Variants in TENT2 observed in about 807,000 individuals in gnomAD.
TENT2 encodes the protein terminal nucleotidyltransferase 2, also known as poly(A) RNA polymerase GLD2.
A neutral mutation model predicts 72.2 loss-of-function variants in TENT2; 44 were observed. The ratio of observed to expected loss-of-function variants is 0.61; its 90% CI spans 0.48 to 0.78. The LOEUF (loss-of-function observed/expected upper bound fraction) is 0.78. TENT2 is among the 30% of genes least tolerant of loss of function. The pLI, the probability that TENT2 is intolerant of heterozygous loss-of-function variation, is 0.00. For synonymous variants in TENT2, 212 were observed against 192.5 expected (o/e 1.10, Z -0.84); for missense variants, 541 against 569.6 (o/e 0.95, Z 0.51).
At chr5:79,618,930 A>T (rs1762593695) in intron 1 of TENT2, among the ~76,000 whole-genome samples, 1 of 152,014 alleles carries the variant, frequency 6.6e-6, no homozygotes, top group Non-Finnish European at 1.5e-5. Context: ...TTCTTTGTAG[A>T]CTTTACCTGA....
At chr5:79,667,528 T>C (rs533653631) in intron 11 of TENT2, among the ~76,000 whole-genome samples, 1 of 152,290 alleles carries the variant, frequency 6.6e-6, no homozygotes, top group East Asian at 1.9e-4. Context: ...TTAAAATTTC[T>C]ACTTGAATCT....
At chr5:79,674,559 A>G (rs1205560796) in intron 12 of TENT2, among the ~76,000 whole-genome samples, 3 of 152,214 alleles carry the variant, frequency 2.0e-5, no homozygotes, top group Non-Finnish European at 4.4e-5. Flanking sequence ...TGTTGGTGTT[A>G]TAAAGGAGAA....
At chr5:79,677,562 T>G (rs2150868236) in intron 12 of TENT2, among the ~76,000 whole-genome samples, 1 of 152,342 alleles carries the variant, frequency 6.6e-6, no homozygotes, top group Non-Finnish European at 1.5e-5. Flanking sequence ...AAAATAATGT[T>G]TACAGTTTTA....
chr5:79,655,853 A>G lies in TENT2; in HGVS notation c.1028-1105A>G, dbSNP rs551079997. On this transcript the variant is annotated intron_variant, in intron 10 of 14. Transcript: ENST00000453514. ...TCAACATGGGGATGAAATGTGATAC[A>G]TAAAGGAAATTTAAATAAAGCATCC... Among the ~76,000 whole-genome samples, 265 of 151,990 alleles carry G rather than the reference A, an allele frequency of 1.7e-3. 1 individual carries two copies. The highest frequency in any genetic ancestry group is 6.8e-3 in the Middle Eastern group (2 of 294).
chr5:79,626,029 A>G (rs1400901242), intron 4 of TENT2, among the ~76,000 whole-genome samples: 1 of 151,496 alleles, frequency 6.6e-6, no homozygotes, highest in African/African-American at 2.4e-5. Context: ...GGGTTTCACC[A>G]TGTTGGTCAG....
chr5:79,623,054 A>AT (rs58029058), intron 3 of TENT2, among the ~76,000 whole-genome samples, 198 bp from the exon 4 acceptor site: 30,760 of 151,694 alleles, frequency 0.2, 4,599 homozygotes, highest in African/African-American at 0.42. Flanking sequence ...CATTATTACT[A>AT]TTTTTTTTAA....
At chr5:79,629,575 C>T (rs1340039077) in intron 4 of TENT2, among the ~76,000 whole-genome samples, 3 of 152,132 alleles carry the variant, frequency 2.0e-5, no homozygotes, top group African/African-American at 7.2e-5. Context: ...CGCCTGTAAT[C>T]CCAGCACTTT....
chr5:79,667,147 C>T (rs1032492866), intron 11 of TENT2, among the ~76,000 whole-genome samples: 1 of 152,076 alleles, frequency 6.6e-6, no homozygotes, highest in African/African-American at 2.4e-5. Context: ...AATTACTGAA[C>T]AAAATAAAGA....
chr5:79,667,455 C>T (rs1480482207), intron 11 of TENT2, among the ~76,000 whole-genome samples: 1 of 152,116 alleles, frequency 6.6e-6, no homozygotes, highest in African/African-American at 2.4e-5. Flanking sequence ...TGCATCTATT[C>T]TTCCTTCTGC....
chr5:79,624,178 A>G (rs1256695984), intron 4 of TENT2, among the ~76,000 whole-genome samples: 1 of 152,118 alleles, frequency 6.6e-6, no homozygotes, highest in Non-Finnish European at 1.5e-5. Context: ...TGTGGTTTAT[A>G]CTTGCTGTTT....
chr5:79,618,863 T>C (rs1265368592), intron 1 of TENT2, among the ~76,000 whole-genome samples: 1 of 152,216 alleles, frequency 6.6e-6, no homozygotes. Context: ...CATTTTGTTT[T>C]TTCATAAGAG....
At chr5:79,641,368 A>C (rs1012598368) in intron 6 of TENT2, among the ~76,000 whole-genome samples, 172 bp downstream of exon 6, 4 of 151,810 alleles carry the variant, frequency 2.6e-5, no homozygotes, top group African/African-American at 9.7e-5. Flanking sequence ...GCATGTGCAC[A>C]ATAAGCATAA....
chr5:79,638,797 G>T (rs73121410), intron 4 of TENT2, among the ~76,000 whole-genome samples: 1,788 of 152,156 alleles, frequency 0.012, 35 homozygotes, highest in African/African-American at 0.04. Context: ...CCACATTTTG[G>T]TTTGGTTTGA....
At chr5:79,679,524 A>C in intron 12 of TENT2, 55 bp from the exon 13 acceptor site, 1 of 1,324,332 alleles carries the variant, frequency 7.6e-7, no homozygotes, top group Non-Finnish European at 1.0e-6. Context: ...CAATAAAAAT[A>C]ATATAAGAGA....
intron 11 of TENT2, among the ~76,000 whole-genome samples, chr5:79,663,032 C>T (rs1804320550): frequency 6.6e-6 from 1 of 152,198 alleles, no homozygotes; most frequent in Admixed American, 6.5e-5. Context: ...AGCTTCTTCA[C>T]TTGCTGTTCA....
chr5:79,663,753 G>T (rs1453929388), intron 11 of TENT2, among the ~76,000 whole-genome samples: 1 of 152,106 alleles, frequency 6.6e-6, no homozygotes, highest in Non-Finnish European at 1.5e-5. Flanking sequence ...TACCAGAGTG[G>T]AACACAGAGA....
intron 10 of TENT2, among the ~76,000 whole-genome samples, chr5:79,650,507 TA>T (rs935678882): frequency 1.1e-4 from 16 of 151,994 alleles, no homozygotes; most frequent in African/African-American, 2.9e-4. Context: ...GTGTAGTCAT[TA>T]AAAAAAAGTA....
intron 1 of TENT2, among the ~76,000 whole-genome samples, chr5:79,616,456 A>C (rs1283465559): frequency 6.6e-6 from 1 of 151,376 alleles, no homozygotes; most frequent in South Asian, 2.1e-4. Context: ...CGGCCTCCCA[A>C]AGTGCTGGGA....
At chr5:79,643,079 C>T in intron 7 of TENT2, 169 bp downstream of exon 7, 1 of 684,082 alleles carries the variant, frequency 1.5e-6, no homozygotes, top group Non-Finnish European at 1.8e-6. Flanking sequence ...GAAGAGTGAT[C>T]ATTTATTCAA....
Sources: gnomAD v4.1 joint callset for allele counts (sites outside exome capture counted in the v4.1 genomes callset) on GRCh38, gnomAD v4.1.1 for gene constraint, MANE v1.5 for transcripts, NCBI Gene and HGNC (gene_info 2026-07-23, HGNC 2026-07-21) for gene names.